The following GMDS variants were observed in gnomAD, a reference collection of about 807,000 sequenced individuals.
The protein encoded by GMDS is GDP-mannose 4,6 dehydratase.
In GMDS, 20 loss-of-function variants were observed where a neutral mutation model predicts 49.9. That is an observed-to-expected ratio of 0.40 (90% CI 0.28 to 0.58). The LOEUF (loss-of-function observed/expected upper bound fraction) is 0.58. Among genes scored for constraint, GMDS ranks in the 20% least tolerant of loss-of-function variants. The pLI, the probability that GMDS is intolerant of heterozygous loss-of-function variation, is 0.42. For synonymous variants in GMDS, 177 were observed against 178.6 expected (o/e 0.99, Z 0.07); for missense variants, 362 against 481.4 (o/e 0.75, Z 2.32).
At chr6:1,676,703 C>T (rs1217952643) in intron 9 of GMDS, among the ~76,000 whole-genome samples, 153 of 152,168 alleles carry the variant, frequency 1.0e-3, no homozygotes, top group African/African-American at 2.7e-3. Context: ...ATTTAATAAA[C>T]GGTGCTGGGA....
At chr6:2,087,588 T>C (rs950668909) in intron 4 of GMDS, among the ~76,000 whole-genome samples, 1 of 152,200 alleles carries the variant, frequency 6.6e-6, no homozygotes, top group African/African-American at 2.4e-5. Context: ...TAAGGACAGA[T>C]TTCTGTGTTT....
intron 4 of GMDS, among the ~76,000 whole-genome samples, chr6:2,103,547 A>T (rs1478207993): frequency 6.6e-6 from 1 of 152,196 alleles, no homozygotes; most frequent in Admixed American, 6.5e-5. Flanking sequence ...TAGTGGCATT[A>T]AGAAGCCCTT....
intron 9 of GMDS, among the ~76,000 whole-genome samples, chr6:1,658,885 G>GTCC (rs1409085347): frequency 1.3e-5 from 2 of 152,194 alleles, no homozygotes; most frequent in Non-Finnish European, 2.9e-5. Context: ...GAAAAGAGAC[G>GTCC]TCCTGGAATA....
rs372593165 is a variant in GMDS, at chr6:2,185,497, G to T, written c.102+59824C>A. ...CCAACTCTGAGGATCCAACAATGTG[G>T]AAGAGTTAAACATCTTCAACGAGTG... On this transcript the variant is annotated intron_variant, in intron 1 of 10. Coordinates refer to ENST00000380815, the MANE Select transcript of GMDS (RefSeq NM_001500.4). Among the ~76,000 whole-genome samples the T allele has an allele frequency of 9.1e-4, 139 of 152,298 alleles. 1 individual carries two copies. The highest frequency in any genetic ancestry group is 3.2e-3 in the African/African-American group (131 of 41,564).
chr6:2,184,857 G>A (rs1217939479), intron 1 of GMDS, among the ~76,000 whole-genome samples: 1 of 152,172 alleles, frequency 6.6e-6, no homozygotes. Flanking sequence ...GCACACAACT[G>A]TCAGCAGATA....
intron 1 of GMDS, among the ~76,000 whole-genome samples, chr6:2,171,705 G>A (rs961902835): frequency 1.3e-5 from 2 of 152,158 alleles, no homozygotes; most frequent in Non-Finnish European, 2.9e-5. Flanking sequence ...TACATAGTGT[G>A]AAACTATTTA....
intron 9 of GMDS, among the ~76,000 whole-genome samples, chr6:1,638,593 AG>A (rs1338153520): frequency 2.0e-5 from 3 of 150,322 alleles, no homozygotes; most frequent in East Asian, 2.0e-4. Context: ...GCATTATTCA[AG>A]GAAGTATTGC....
chr6:1,755,658 G>C (rs1279972520), intron 7 of GMDS, among the ~76,000 whole-genome samples: 1 of 151,868 alleles, frequency 6.6e-6, no homozygotes, highest in African/African-American at 2.4e-5. Flanking sequence ...AACAGCAATG[G>C]GGAAAGGATT....
At position 1,876,283 on chromosome 6, in the gene GMDS, G is replaced by A. The variant is rs139348638; in HGVS notation, c.771+53820C>T. Among the ~76,000 whole-genome samples, 21 of 152,170 alleles carry A rather than the reference G, an allele frequency of 1.4e-4. No homozygotes were observed. In the East Asian group the frequency reaches 2.3e-3, roughly 17 times the overall value. On this transcript the variant is annotated intron_variant, in intron 7 of 10. Transcript: ENST00000380815. ...CAAAAAAAAAAAATTCTGTTATACC[G>A]GAAAGGACACTTTCTAACTATGTTT...
chr6:1,722,249 G>GT (rs1766411938), intron 9 of GMDS, among the ~76,000 whole-genome samples: 1 of 145,548 alleles, frequency 6.9e-6, no homozygotes, highest in East Asian at 2.0e-4. Context: ...ATTATTAGTA[G>GT]TAGTAGTAGT....
In GMDS at chr6:1,652,420, A is replaced by ATATTATATATATTTATATATTATT. The variant is rs1554104140; in HGVS notation, c.988-27881_988-27880insAATAATATATAAATATATATAATA. Among the ~76,000 whole-genome samples, 36 of 23,410 alleles carry ATATTATATATATTTATATATTATT rather than the reference A, an allele frequency of 1.5e-3. 7 individuals are homozygous for ATATTATATATATTTATATATTATT. Among genetic ancestry groups the ATATTATATATATTTATATATTATT allele is most frequent in the African/African-American group, 6.3e-3 (36 of 5,688 alleles). 15.4% of individuals were successfully genotyped at this position (23,410 alleles called of 152,430 possible). On this transcript the variant is annotated intron_variant, in intron 9 of 10. Transcript: ENST00000380815. ...TATATATATATATATTATATATAAT[A>ATATTATATATATTTATATATTATT]TATATATAATATATTATATATATTT...
intron 7 of GMDS, among the ~76,000 whole-genome samples, chr6:1,864,415 A>T (rs944846706): frequency 6.6e-6 from 1 of 152,234 alleles, no homozygotes; most frequent in Non-Finnish European, 1.5e-5. Context: ...ATTTATTTTC[A>T]CAATAAATAA....
chr6:2,145,112 T>A (rs1776485854), intron 1 of GMDS, among the ~76,000 whole-genome samples: 1 of 152,194 alleles, frequency 6.6e-6, no homozygotes, highest in African/African-American at 2.4e-5. Context: ...TAATTTTCAA[T>A]TAGGTGTATG....
chr6:1,695,489 A>C (rs1242441059), intron 9 of GMDS, among the ~76,000 whole-genome samples: 1 of 152,262 alleles, frequency 6.6e-6, no homozygotes, highest in East Asian at 1.9e-4. Context: ...TCAGAAGAGG[A>C]AGGGGTGACA....
At chr6:1,975,037 C>A (rs1178725500) in intron 4 of GMDS, among the ~76,000 whole-genome samples, 20 of 146,018 alleles carry the variant, frequency 1.4e-4, no homozygotes, top group African/African-American at 2.8e-4. Context: ...GACTCTGTCT[C>A]AAAAAAAAAA....
At chr6:1,659,416 G>A (rs993616318) in intron 9 of GMDS, among the ~76,000 whole-genome samples, 3 of 152,164 alleles carry the variant, frequency 2.0e-5, no homozygotes, top group Admixed American at 1.3e-4. Context: ...TGGCTGTCTC[G>A]GGAGGGGCCT....
chr6:1,874,180 C>G (rs112951296), intron 7 of GMDS, among the ~76,000 whole-genome samples: 156 of 152,224 alleles, frequency 1.0e-3, no homozygotes, highest in Non-Finnish European at 1.9e-3. Context: ...TTCACTGTGG[C>G]TTGATGGAGT....
intron 7 of GMDS, among the ~76,000 whole-genome samples, chr6:1,837,259 T>G (rs1187869749): frequency 6.6e-6 from 1 of 152,218 alleles, no homozygotes; most frequent in East Asian, 1.9e-4. Flanking sequence ...GTGGTGATTT[T>G]TCTGTATTTA....
At chr6:2,197,229 G>A (rs1001226078) in intron 1 of GMDS, among the ~76,000 whole-genome samples, 3 of 152,154 alleles carry the variant, frequency 2.0e-5, no homozygotes, top group Non-Finnish European at 2.9e-5. Context: ...AAGGCAAAGC[G>A]CTTCATGTCC....
Sources: gnomAD v4.1 joint callset for allele counts (sites outside exome capture counted in the v4.1 genomes callset) on GRCh38, gnomAD v4.1.1 for gene constraint, MANE v1.5 for transcripts, NCBI Gene and HGNC (gene_info 2026-07-23, HGNC 2026-07-21) for gene names.